C13orf46: variants seen among roughly 807,000 people sequenced by gnomAD.
The protein encoded by C13orf46 is uncharacterized protein C13orf46.
Position 113,973,267 on chromosome 13 carries a change from C to T in C13orf46, c.190+541G>A, listed in dbSNP as rs113235721. ...CCCTAAGCAGTTTTGTGGAGTTTCA[C>T]GCTGGGAATGCACGTGGACAGCTGA... is the stretch of plus-strand genomic sequence containing the variant. On this transcript the variant is annotated intron_variant, in intron 1 of 6. Transcript: ENST00000636427. Among the ~76,000 whole-genome samples, 355 of 152,298 alleles carry T rather than the reference C, an allele frequency of 2.3e-3. 2 individuals carry two copies. Among genetic ancestry groups the T allele is most frequent in the African/African-American group, 8.3e-3 (345 of 41,558 alleles).
At chr13:113,928,126 G>A in the C13orf46 span, 1 of 152,382 alleles carries the variant, frequency 6.6e-6, no homozygotes, top group Non-Finnish European at 1.5e-5. Flanking sequence ...TATTCATTGC[G>A]TCTTCCTGGC....
rs149925441 is a variant in C13orf46 at position 113,970,747 on chromosome 13, C to T, written c.191-525G>A. Among the ~76,000 whole-genome samples the T allele has an allele frequency of 3.5e-3, 526 of 152,280 alleles. 7 individuals carry two copies. Among genetic ancestry groups the T allele is most frequent in the East Asian group, 0.021 (109 of 5,176 alleles). On this transcript the variant is annotated intron_variant, in intron 1 of 6. Transcript: ENST00000636427. ...TCTCTGGGCTCCCCGAGAGGCATTG[C>T]GGGATGTTTCTAGCAGTCTTTTTTC...
intron 1 of C13orf46, among the ~76,000 whole-genome samples, chr13:113,972,140 C>T (rs759772853): frequency 2.6e-5 from 4 of 152,202 alleles, no homozygotes; most frequent in Non-Finnish European, 5.9e-5. Flanking sequence ...CATCCGACCC[C>T]GGCCTCTAAG....
At chr13:113,948,455 C>T in the C13orf46 span, among the ~76,000 whole-genome samples, 1 of 152,228 alleles carries the variant, frequency 6.6e-6, no homozygotes, top group East Asian at 1.9e-4. Flanking sequence ...GAGGCGGCTT[C>T]AGTGCCTGGG....
chr13:113,941,738 C>T, the C13orf46 span, among the ~76,000 whole-genome samples: 1 of 152,226 alleles, frequency 6.6e-6, no homozygotes, highest in African/African-American at 2.4e-5. Flanking sequence ...GTGCTGCCCC[C>T]ACTCTCCCCA....
downstream of C13orf46, among the ~76,000 whole-genome samples, chr13:113,949,743 C>T (rs1052904658): frequency 1.3e-5 from 2 of 152,180 alleles, no homozygotes; most frequent in South Asian, 2.1e-4. Context: ...AGAGGGACCT[C>T]GGTGCTCCCA....
At chr13:113,939,288 G>A in the C13orf46 span, among the ~76,000 whole-genome samples, 1 of 152,182 alleles carries the variant, frequency 6.6e-6, no homozygotes, top group African/African-American at 2.4e-5. Flanking sequence ...CCGGAGTGTG[G>A]AGCTGCAAGA....
intron 6 of C13orf46, among the ~76,000 whole-genome samples, chr13:113,959,438 CA>C (rs1362312266): frequency 6.6e-6 from 1 of 152,138 alleles, no homozygotes; most frequent in Non-Finnish European, 1.5e-5. Context: ...CCAGGTTGAG[CA>C]GGTGCTTCCC....
chr13:113,951,493 C>T (rs2052488477), downstream of C13orf46, among the ~76,000 whole-genome samples: 1 of 152,160 alleles, frequency 6.6e-6, no homozygotes, highest in Non-Finnish European at 1.5e-5. Flanking sequence ...ACCAACAGCA[C>T]TGCCCACTCG....
downstream of C13orf46, among the ~76,000 whole-genome samples, chr13:113,949,640 T>C (rs1465669598): frequency 1.3e-5 from 2 of 152,220 alleles, no homozygotes; most frequent in Non-Finnish European, 2.9e-5. Flanking sequence ...GGCTAAGCCC[T>C]GAAGACAGTG....
At chr13:113,941,928 T>C in the C13orf46 span, among the ~76,000 whole-genome samples, 1 of 152,260 alleles carries the variant, frequency 6.6e-6, no homozygotes, top group Non-Finnish European at 1.5e-5. Context: ...TGGGCTGTCC[T>C]TGCCGGCGGC....
intron 6 of C13orf46, among the ~76,000 whole-genome samples, chr13:113,957,232 G>A (rs1359348072): frequency 2.7e-3 from 281 of 102,358 alleles, no homozygotes; most frequent in Middle Eastern, 0.023. Flanking sequence ...TTCATCAAGC[G>A]CACTGGGGGT....
chr13:113,971,181 C>T (rs899113522), intron 1 of C13orf46, among the ~76,000 whole-genome samples: 1 of 152,222 alleles, frequency 6.6e-6, no homozygotes, highest in Non-Finnish European at 1.5e-5. Flanking sequence ...CAGCTACTCC[C>T]TCTTCCCACA....
At chr13:113,971,871 C>T (rs1018139258) in intron 1 of C13orf46, among the ~76,000 whole-genome samples, 5 of 152,224 alleles carry the variant, frequency 3.3e-5, no homozygotes, top group African/African-American at 1.2e-4. Context: ...ATGCCTCCTG[C>T]TCTTCTCCGG....
At chr13:113,934,893 G>C in the C13orf46 span, among the ~76,000 whole-genome samples, 2 of 152,256 alleles carry the variant, frequency 1.3e-5, no homozygotes, top group Non-Finnish European at 2.9e-5. Context: ...AGAGAAGCAA[G>C]TTCTAAACGG....
chr13:113,934,352 G>T, the C13orf46 span, among the ~76,000 whole-genome samples: 1 of 152,144 alleles, frequency 6.6e-6, no homozygotes, highest in South Asian at 2.1e-4. Context: ...GAGTACAATC[G>T]CTGGGTCATA....
At chr13:113,934,868 G>A in the C13orf46 span, among the ~76,000 whole-genome samples, 2 of 152,400 alleles carry the variant, frequency 1.3e-5, no homozygotes, top group South Asian at 2.1e-4. Flanking sequence ...CCAGCCAGGA[G>A]GGAATGTAGT....
intron 5 of C13orf46, among the ~76,000 whole-genome samples, chr13:113,966,037 ATGG>A (rs1271451841): frequency 6.7e-6 from 1 of 148,870 alleles, no homozygotes; most frequent in Admixed American, 6.7e-5. Flanking sequence ...CATGATAGTG[ATGG>A]TGATGATGAT....
chr13:113,934,875 T>C, the C13orf46 span, among the ~76,000 whole-genome samples: 1 of 152,244 alleles, frequency 6.6e-6, no homozygotes, highest in Non-Finnish European at 1.5e-5. Context: ...GGAGGGAATG[T>C]AGTCTGAAGA....
Sources: allele counts gnomAD v4.1 joint callset (sites outside exome capture counted in the v4.1 genomes callset), GRCh38; gene constraint gnomAD v4.1.1; transcripts MANE v1.5; gene names NCBI Gene and HGNC (gene_info 2026-07-23, HGNC 2026-07-21).